The following PTPRO variants were observed in gnomAD, a reference collection of about 807,000 sequenced individuals.
The protein encoded by PTPRO is receptor-type tyrosine-protein phosphatase O.
A neutral mutation model predicts 145.2 loss-of-function variants in PTPRO; 62 were observed. That is an observed-to-expected ratio of 0.43 (90% CI 0.35 to 0.53). PTPRO has a LOEUF of 0.53. PTPRO is among the 20% of genes least tolerant of loss of function. The pLI is 0.01. For synonymous variants in PTPRO, 565 were observed against 514.7 expected (o/e 1.10, Z -1.32); for missense variants, 1,345 against 1,482.7 (o/e 0.91, Z 1.53).
At position 15,597,366 on chromosome 12, in the gene PTPRO, A is replaced by G. The variant is rs1363642073; in HGVS notation, c.*1293A>G. 1 of 152,330 alleles carries G rather than the reference A, an allele frequency of 6.6e-6. No individual in the cohort carries two copies. Among genetic ancestry groups the G allele is most frequent in the East Asian group, 1.9e-4 (1 of 5,168 alleles). 9.4% of individuals were successfully genotyped at this position (152,330 alleles called of 1,614,324 possible). ...AGAAAACACTTTGAGTTGAAAGTAA[A>G]CACAAGCTGGCTGCTTCCCTGTGGC... On this transcript the variant is annotated 3_prime_UTR_variant, in exon 27 of 27. Coordinates refer to ENST00000281171, the MANE Select transcript of PTPRO (RefSeq NM_030667.3).
At position 15,322,716 on chromosome 12, in the gene PTPRO, T is replaced by A. The variant is rs369405874; in HGVS notation, c.-11T>A. 2.4e-5 allele frequency: 38 copies of A among 1,609,348 alleles called. No individual in the cohort carries two copies. Among genetic ancestry groups the A allele is most frequent in the Non-Finnish European group, 2.9e-5 (34 of 1,178,218 alleles). The stretch of plus-strand genomic sequence containing the variant: ...GCGCAGCCGTGCCCCCGAGTCCCCG[T>A]CCGCGCAGCGATGGGGCACCTGCCC... On this transcript the variant is annotated 5_prime_UTR_variant, in exon 1 of 27. Transcript: ENST00000281171. This position sits in a 1 kb window ranked among gnomAD's most constrained non-coding sequence, Gnocchi z 6.3.
chr12:15,535,324 G>A (rs1943045541), intron 12 of PTPRO, among the ~76,000 whole-genome samples: 1 of 152,050 alleles, frequency 6.6e-6, no homozygotes, highest in Non-Finnish European at 1.5e-5. Flanking sequence ...GAGAAGCCCT[G>A]GATCAACTCT....
At chr12:15,502,243 G>T (rs1234470111) in intron 5 of PTPRO, among the ~76,000 whole-genome samples, 180 bp downstream of exon 5, 1 of 152,152 alleles carries the variant, frequency 6.6e-6, no homozygotes, top group Non-Finnish European at 1.5e-5. Context: ...AAACCCAAAT[G>T]AATAGACTGG....
At chr12:15,362,784 ATAT>A (rs1464205961) in intron 1 of PTPRO, among the ~76,000 whole-genome samples, 14 of 152,282 alleles carry the variant, frequency 9.2e-5, no homozygotes, top group Non-Finnish European at 1.9e-4. Flanking sequence ...AAATAAAACG[ATAT>A]TATAGTATGC....
Position 15,497,227 on chromosome 12 carries a change from T to C in PTPRO, c.350-18T>C. On this transcript the variant is annotated intron_variant, in intron 2 of 26. Transcript: ENST00000281171. ...CTCCTCTTTCTTTTCCCTTTCTCCA[T>C]TTACTTCACTTCTGTAGAACCTCTA... The C allele has an allele frequency of 6.5e-7, 1 of 1,543,148 alleles. No homozygotes were observed. Among genetic ancestry groups the C allele is most frequent in the Non-Finnish European group, 8.9e-7 (1 of 1,117,504 alleles).
intron 1 of PTPRO, among the ~76,000 whole-genome samples, chr12:15,437,648 G>C (rs1373458935): frequency 6.6e-6 from 1 of 152,042 alleles, no homozygotes; most frequent in African/African-American, 2.4e-5. Flanking sequence ...TCTGTTCGTA[G>C]ATATTGGTGC....
chr12:15,363,091 A>C (rs1018445492), intron 1 of PTPRO, among the ~76,000 whole-genome samples: 5 of 152,192 alleles, frequency 3.3e-5, no homozygotes, highest in Non-Finnish European at 7.3e-5. Flanking sequence ...CTGAAGTTTA[A>C]TTTCTGTGCC....
intron 20 of PTPRO, among the ~76,000 whole-genome samples, chr12:15,579,145 T>C (rs1243085325): frequency 1.3e-5 from 2 of 152,234 alleles, no homozygotes; most frequent in East Asian, 3.8e-4. Flanking sequence ...ATTGTGCTTT[T>C]AAATGAATTG....
intron 10 of PTPRO, 119 bp from the exon 11 acceptor site, chr12:15,524,695 A>G: frequency 9.3e-7 from 1 of 1,080,920 alleles, no homozygotes; most frequent in Non-Finnish European, 1.4e-6. Flanking sequence ...TACCGGGACT[A>G]TCGTGTGCTG....
At chr12:15,526,955 A>C (rs1942852328) in intron 12 of PTPRO, among the ~76,000 whole-genome samples, 2 of 152,200 alleles carry the variant, frequency 1.3e-5, no homozygotes, top group Non-Finnish European at 2.9e-5. Flanking sequence ...TAGATACTAG[A>C]ATAAAAACTA....
At chr12:15,380,554 A>T (rs1938828495) in intron 1 of PTPRO, among the ~76,000 whole-genome samples, 1 of 152,168 alleles carries the variant, frequency 6.6e-6, no homozygotes, top group Admixed American at 6.5e-5. Context: ...GATCATTCTA[A>T]TTAAAATTAA....
chr12:15,374,918 A>G (rs930233712), intron 1 of PTPRO, among the ~76,000 whole-genome samples: 2 of 152,162 alleles, frequency 1.3e-5, no homozygotes, highest in Admixed American at 6.5e-5. Context: ...CTCATCTCTG[A>G]CTGATGTTGA....
chr12:15,339,827 A>T (rs914746883), intron 1 of PTPRO, among the ~76,000 whole-genome samples: 1 of 152,184 alleles, frequency 6.6e-6, no homozygotes, highest in African/African-American at 2.4e-5. Context: ...TTTCTTCTAC[A>T]TGTTTGTATT....
At chr12:15,371,063 A>G (rs1462240570) in intron 1 of PTPRO, among the ~76,000 whole-genome samples, 1 of 152,216 alleles carries the variant, frequency 6.6e-6, no homozygotes, top group East Asian at 1.9e-4. Flanking sequence ...ATCTTCAGCA[A>G]ACTATTCAGA....
intron 19 of PTPRO, 30 bp from the exon 20 acceptor site, chr12:15,578,823 A>C: frequency 6.7e-7 from 1 of 1,488,612 alleles, no homozygotes; most frequent in Non-Finnish European, 9.4e-7. Flanking sequence ...CACGTATGGA[A>C]CTCTCAAATC....
chr12:15,343,264 T>C (rs1867067017), intron 1 of PTPRO, among the ~76,000 whole-genome samples: 1 of 152,134 alleles, frequency 6.6e-6, no homozygotes, highest in Non-Finnish European at 1.5e-5. Flanking sequence ...GATACTGTGC[T>C]CCATGTATTT....
intron 15 of PTPRO, among the ~76,000 whole-genome samples, chr12:15,552,603 T>C (rs545923818): frequency 6.6e-6 from 1 of 152,228 alleles, no homozygotes; most frequent in Admixed American, 6.6e-5. Flanking sequence ...TTTAAAGGCA[T>C]AAGCTGACAT....
chr12:15,545,218 G>T (rs527417904), intron 12 of PTPRO, among the ~76,000 whole-genome samples: 3 of 151,940 alleles, frequency 2.0e-5, no homozygotes, highest in Non-Finnish European at 4.4e-5. Context: ...AGACTTAGGA[G>T]AGTGGGGCAG....
At chr12:15,587,498 A>G (rs1345990241) in intron 24 of PTPRO, among the ~76,000 whole-genome samples, 1 of 152,240 alleles carries the variant, frequency 6.6e-6, no homozygotes, top group Non-Finnish European at 1.5e-5. Flanking sequence ...ATAAATAGGC[A>G]TAAAAACTAG....
Sources: allele counts gnomAD v4.1 joint callset (sites outside exome capture counted in the v4.1 genomes callset), GRCh38; gene constraint gnomAD v4.1.1; non-coding constraint Gnocchi (gnomAD v3.1); transcripts MANE v1.5; gene names NCBI Gene and HGNC (gene_info 2026-07-23, HGNC 2026-07-21).